Variants in NRXN1 observed in about 807,000 individuals in gnomAD.
The protein encoded by NRXN1 is neurexin-1.
In NRXN1, 39 loss-of-function variants were observed where a neutral mutation model predicts 150.9. The ratio of observed to expected loss-of-function variants is 0.26; its 90% confidence interval spans 0.20 to 0.34. NRXN1 has a LOEUF of 0.34. Among genes scored for constraint, NRXN1 ranks in the 10% least tolerant of loss-of-function variants. NRXN1 has a pLI of 1.00. For missense variants in NRXN1, 1,815 were observed against 1,949.9 expected (o/e 0.93, Z 1.30); for synonymous variants, 924 against 757.0 (o/e 1.22, Z -3.62).
chr2:50,025,070 C>T (rs554100845), intron 21 of NRXN1, among the ~76,000 whole-genome samples: 44 of 152,198 alleles, frequency 2.9e-4, no homozygotes, highest in African/African-American at 1.0e-3. Flanking sequence ...TGAAGAGATA[C>T]GCAATAGCTG....
At chr2:50,286,608 T>C (rs753468957) in intron 17 of NRXN1, among the ~76,000 whole-genome samples, 30 of 152,220 alleles carry the variant, frequency 2.0e-4, no homozygotes, top group Non-Finnish European at 3.4e-4. Context: ...GTGCCACAGA[T>C]ATTATGTGAA....
chr2:50,774,813 A>T (rs1464990211), intron 5 of NRXN1, among the ~76,000 whole-genome samples: 1 of 152,118 alleles, frequency 6.6e-6, no homozygotes, highest in Non-Finnish European at 1.5e-5. Flanking sequence ...ACCATTTATG[A>T]AATGCTTGTT....
chr2:50,488,240 A>G (rs1005739103), intron 15 of NRXN1, among the ~76,000 whole-genome samples: 1 of 152,186 alleles, frequency 6.6e-6, no homozygotes, highest in East Asian at 1.9e-4. Context: ...CAGTAAACTC[A>G]TATTTGTATA....
rs139789739 is a variant in NRXN1 at position 50,979,733 on chromosome 2, A to T, written c.772+47769T>A. Among the ~76,000 whole-genome samples, 418 of 152,238 alleles carry T rather than the reference A, an allele frequency of 2.7e-3. 2 individuals carry two copies. Among genetic ancestry groups the T allele is most frequent in the African/African-American group, 8.6e-3 (359 of 41,574 alleles). ...AACACACTGTACTTTCTCAGAAGAA[A>T]AGGATTCTACGTATGCCATCAGAGG... On this transcript the variant is annotated intron_variant, in intron 2 of 22. Coordinates refer to ENST00000401669, the MANE Select transcript of NRXN1 (RefSeq NM_001330078.2).
intron 18 of NRXN1, among the ~76,000 whole-genome samples, chr2:50,156,588 C>T (rs2059034576): frequency 6.6e-6 from 1 of 151,624 alleles, no homozygotes; most frequent in Non-Finnish European, 1.5e-5. Flanking sequence ...GTTAAAATAA[C>T]ATTAAGGAGA....
chr2:50,004,701 T>C lies in NRXN1; in HGVS notation c.4128+48570A>G, dbSNP rs144757955. On this transcript the variant is annotated intron_variant, in intron 21 of 22. Transcript: ENST00000401669. ...GGTAGGCCGAATTAATACACACTAG[T>C]TGTGGTAATAATGTAGTTAAGTTGA... Among the ~76,000 whole-genome samples the C allele has an allele frequency of 2.6e-4, 40 of 152,278 alleles. 1 individual carries two copies. In the East Asian group the frequency reaches 7.4e-3, roughly 28 times the overall value.
chr2:50,708,648 T>A (rs1382452802), intron 5 of NRXN1, among the ~76,000 whole-genome samples: 2 of 152,052 alleles, frequency 1.3e-5, no homozygotes, highest in African/African-American at 4.8e-5. Context: ...TACCCTTACC[T>A]AAGACAACCC....
rs181826158 is a variant in NRXN1, at chr2:50,423,307, T to C, written c.3364+42135A>G. 3.9e-4 allele frequency among the ~76,000 whole-genome samples: 59 copies of C among 152,276 alleles called. No homozygotes were observed. In the East Asian group the frequency reaches 0.011, roughly 28 times the overall value. On this transcript the variant is annotated intron_variant, in intron 17 of 22. Transcript: ENST00000401669. Reference sequence around the variant, plus strand: ...GCATGAAAAACCTATTTGTGATTGATTGATTGGATCCCCTCCTATCCAAAC... The same window carrying C: ...GCATGAAAAACCTATTTGTGATTGACTGATTGGATCCCCTCCTATCCAAAC...
At chr2:50,613,552 C>T (rs1678536737) in intron 8 of NRXN1, among the ~76,000 whole-genome samples, 1 of 152,176 alleles carries the variant, frequency 6.6e-6, no homozygotes, top group Non-Finnish European at 1.5e-5. Flanking sequence ...TGCGTATCAG[C>T]CTGGCCAATG....
intron 17 of NRXN1, among the ~76,000 whole-genome samples, chr2:50,424,859 T>C (rs2084352752): frequency 2.6e-5 from 4 of 152,202 alleles, no homozygotes; most frequent in Admixed American, 1.3e-4. Context: ...ATACCAGTAA[T>C]ATCAGTTATT....
chr2:49,997,451 G>T (rs550554454), intron 21 of NRXN1, among the ~76,000 whole-genome samples: 23 of 152,224 alleles, frequency 1.5e-4, no homozygotes, highest in Non-Finnish European at 3.1e-4. Context: ...GCAATCTACT[G>T]GAGATGAATT....
rs150505409 is a variant in NRXN1 at position 50,994,813 on chromosome 2, T to C, written c.772+32689A>G. ...AAGAACAACAACTGCAAAATTAACTTCCTGAAAGGTACAGCAAGCACAGGA... is the reference window on the plus strand; with the variant it reads ...AAGAACAACAACTGCAAAATTAACTCCCTGAAAGGTACAGCAAGCACAGGA... On this transcript the variant is annotated intron_variant, in intron 2 of 22. Coordinates refer to ENST00000401669, the MANE Select transcript of NRXN1 (RefSeq NM_001330078.2). Among the ~76,000 whole-genome samples, 63 of 152,142 alleles carry C rather than the reference T, an allele frequency of 4.1e-4. No homozygotes were observed. The East Asian group carries it at 5.1e-3, about 12-fold the overall frequency.
At chr2:50,656,287 T>C in intron 5 of NRXN1, 2 of 708,194 alleles carry the variant, frequency 2.8e-6, no homozygotes, top group Non-Finnish European at 5.3e-6. Flanking sequence ...AGAAATTAAA[T>C]AGGCTTTTAA....
intron 17 of NRXN1, among the ~76,000 whole-genome samples, chr2:50,265,036 G>T (rs1037546938): frequency 5.3e-5 from 8 of 151,988 alleles, no homozygotes; most frequent in African/African-American, 1.7e-4. Flanking sequence ...GTTTTTTAAA[G>T]AAAACCTTTA....
intron 8 of NRXN1, among the ~76,000 whole-genome samples, chr2:50,564,987 T>A (rs1465564743): frequency 6.6e-6 from 1 of 152,164 alleles, no homozygotes; most frequent in Non-Finnish European, 1.5e-5. Flanking sequence ...CTGAGAAACA[T>A]ATTGGCTCTA....
At position 49,972,436 on chromosome 2, in the gene NRXN1, T is replaced by G. The variant is rs140874613; in HGVS notation, c.4129-28645A>C. ...AGAAGGAAAATAATAGTAGATTAGTTTGCATGGCTCTAAACATTTTCAGAA... is the reference window on the plus strand; with the variant it reads ...AGAAGGAAAATAATAGTAGATTAGTGTGCATGGCTCTAAACATTTTCAGAA... On this transcript the variant is annotated intron_variant, in intron 21 of 22. Transcript: ENST00000401669. 2.6e-5 allele frequency among the ~76,000 whole-genome samples: 4 copies of G among 152,318 alleles called. No individual in the cohort carries two copies. The East Asian group carries it at 7.7e-4, about 29-fold the overall frequency.
chr2:50,859,603 ATTT>A (rs138989252), intron 5 of NRXN1, among the ~76,000 whole-genome samples: 2 of 144,346 alleles, frequency 1.4e-5, no homozygotes, highest in African/African-American at 2.5e-5. Flanking sequence ...GGTTACAGGT[ATTT>A]TTTTTTTTTT....
chr2:50,814,080 T>C (rs1668596090), intron 5 of NRXN1, among the ~76,000 whole-genome samples: 1 of 152,170 alleles, frequency 6.6e-6, no homozygotes, highest in Non-Finnish European at 1.5e-5. Context: ...AGTAGGTAAG[T>C]ATGGCAACTG....
chr2:50,219,650 G>T lies in NRXN1; in HGVS notation c.3546+17139C>A, dbSNP rs2063657154. ...TCCTGTAGCTGCAACATTTTGGGAG[G>T]CCAAGGCAGGAGGATCGCTTGAGCC... On this transcript the variant is annotated intron_variant, in intron 18 of 22. Transcript: ENST00000401669. Among the ~76,000 whole-genome samples the T allele has an allele frequency of 2.0e-5, 3 of 151,100 alleles. No homozygotes were observed. The Admixed American group carries it at 2.0e-4, about 10-fold the overall frequency.
Sources: allele counts gnomAD v4.1 joint callset (sites outside exome capture counted in the v4.1 genomes callset), GRCh38; gene constraint gnomAD v4.1.1; transcripts MANE v1.5; gene names NCBI Gene and HGNC (gene_info 2026-07-23, HGNC 2026-07-21).